ATP5IF1: variants seen among roughly 807,000 people sequenced by gnomAD.
The protein encoded by ATP5IF1 is ATP synthase inhibitory factor subunit 1, also known as ATPase inhibitor, mitochondrial.
Under a neutral mutation model 8.5 loss-of-function variants are expected in ATP5IF1, and 12 were observed. That is an observed-to-expected ratio of 1.41 (90% CI 0.90 to 2.28). ATP5IF1 has a LOEUF of 2.28. Ranked by LOEUF, ATP5IF1 falls within the 30% of genes most tolerant of loss-of-function variation. The pLI, the probability that ATP5IF1 is intolerant of heterozygous loss-of-function variation, is 0.00. For missense variants in ATP5IF1, 154 were observed against 140.2 expected (o/e 1.10, Z -0.50); for synonymous variants, 51 against 53.4 (o/e 0.96, Z 0.19).
In ATP5IF1 at chr1:28,236,555, C is replaced by A. The variant is rs768011795; in HGVS notation, c.179+103C>A. 8.0e-5 allele frequency: 125 copies of A among 1,564,950 alleles called. No individual in the cohort carries two copies. In the African/African-American group the frequency reaches 1.5e-3, roughly 19 times the overall value. ...CCGTTCCTACCTGGTGCCTTGGGCG[C>A]CCCATCCCCCAACAGAACTCCCGGG... is the stretch of plus-strand genomic sequence containing the variant. On this transcript the variant is annotated intron_variant, in intron 2 of 2. Transcript: ENST00000335514.
rs562978974 is a variant in ATP5IF1 at position 28,236,549 on chromosome 1, T to C, written c.179+97T>C. 106 of 1,574,000 alleles carry C rather than the reference T, an allele frequency of 6.7e-5. No homozygotes were observed. In the African/African-American group the frequency reaches 1.4e-3, roughly 21 times the overall value. On this transcript the variant is annotated intron_variant, in intron 2 of 2. Transcript: ENST00000335514. ...CCCCACCCGTTCCTACCTGGTGCCTTGGGCGCCCCATCCCCCAACAGAACT... is the reference window on the plus strand; with the variant it reads ...CCCCACCCGTTCCTACCTGGTGCCTCGGGCGCCCCATCCCCCAACAGAACT...
chr1:28,236,957 G>A (rs1647042864), intron 2 of ATP5IF1: 2 of 1,059,386 alleles, frequency 1.9e-6, no homozygotes, highest in African/African-American at 1.7e-5. Flanking sequence ...CTCCGCAAGA[G>A]TGAGGATGAT....
In ATP5IF1 at chr1:28,236,312, A is replaced by T. The variant is rs762652663; in HGVS notation, c.87+42A>T. 2.5e-6 allele frequency: 4 copies of T among 1,613,992 alleles called. No individual in the cohort carries two copies. In the African/African-American group the frequency reaches 5.3e-5, roughly 22 times the overall value. ...TCCGCTGCTCCAGCCCCGCGGGCGG[A>T]TCCCATCTTTGCTTCCGTACCTTTA... On this transcript the variant is annotated intron_variant, in intron 1 of 2. Coordinates refer to ENST00000335514, the MANE Select transcript of ATP5IF1 (RefSeq NM_016311.5).
Position 28,237,841 on chromosome 1 carries a change from C to G in ATP5IF1, c.184C>G (p.Gln62Glu), listed in dbSNP as rs1187565222. ...TGAGCCACCGTGTCCTTGTAGAGCA[C>G]AGAGTAGAGAACAACTGGCAGCTTT... ...QAEEERYFRA[Q>E]SREQLAALKK... Residue 62 changes from glutamine (Q) to glutamate (E), a missense_variant, in exon 3 of 3, where the codon CAG (glutamine) becomes GAG (glutamate). Coordinates refer to ENST00000335514, the MANE Select transcript of ATP5IF1 (RefSeq NM_016311.5). 1 of 1,614,100 alleles carries G rather than the reference C, an allele frequency of 6.2e-7. No homozygotes were observed. Among genetic ancestry groups the G allele is most frequent in the South Asian group, 1.1e-5 (1 of 91,084 alleles).
rs750605070 is a variant in ATP5IF1, at chr1:28,236,424, G to A, written c.151G>A (p.Glu51Lys). ...REAGGAFGKR[E>K]QAEEERYFRA... The stretch of plus-strand genomic sequence containing the variant: ...AGCCGGTGGGGCCTTCGGAAAGAGA[G>A]AGCAGGCTGAAGAGGAACGATATTT... The change falls in exon 2 of 3, where the codon GAG (glutamate) becomes AAG (lysine). Residue 51 changes from glutamate to lysine, a missense_variant. Physicochemically the swap from Glu to Lys is moderately conservative, Grantham distance 56. Coordinates refer to ENST00000335514, the MANE Select transcript of ATP5IF1 (RefSeq NM_016311.5). The A allele has an allele frequency of 4.3e-6, 7 of 1,614,214 alleles. No individual in the cohort carries two copies. Among genetic ancestry groups the A allele is most frequent in the East Asian group, 2.2e-5 (1 of 44,876 alleles).
intron 2 of ATP5IF1, chr1:28,237,357 T>G (rs1047590968): frequency 2.9e-6 from 3 of 1,019,108 alleles, no homozygotes; most frequent in African/African-American, 3.5e-5. Context: ...TCTTGGAACC[T>G]AAATTGAACT....
chr1:28,237,282 A>G (rs1457844285), intron 2 of ATP5IF1: 9 of 998,600 alleles, frequency 9.0e-6, no homozygotes, highest in East Asian at 1.1e-4. Flanking sequence ...TTGAGCCCCT[A>G]CATTTTGTAG....
chr1:28,236,333 C>CT (rs1557719086), intron 1 of ATP5IF1, 28 bp from the exon 2 acceptor site: 3 of 1,614,214 alleles, frequency 1.9e-6, no homozygotes. Context: ...GCTTCCGTAC[C>CT]TTTACCAGTG....
chr1:28,236,303 C>A, intron 1 of ATP5IF1, 33 bp downstream of exon 1: 2 of 1,614,188 alleles, frequency 1.2e-6, no homozygotes, highest in Non-Finnish European at 1.7e-6. Flanking sequence ...GCTCCAGCCC[C>A]GCGGGCGGAT....
At position 28,237,860 on chromosome 1, in the gene ATP5IF1, C is replaced by T; in HGVS notation, c.203C>T (p.Ala68Val). The T allele has an allele frequency of 6.2e-7, 1 of 1,614,104 alleles. No individual in the cohort carries two copies. The highest frequency in any genetic ancestry group is 8.5e-7 in the Non-Finnish European group (1 of 1,180,014). ...YFRAQSREQL[A>V]ALKKHHEEEI... ...AGAGCACAGAGTAGAGAACAACTGG[C>T]AGCTTTGAAAAAACACCATGAAGAA... The change falls in exon 3 of 3, where the codon GCA becomes GTA. Residue 68 changes from alanine (A) to valine (V), a missense_variant. Ala to Val is a moderately conservative substitution (Grantham distance 64). Coordinates refer to ENST00000335514, the MANE Select transcript of ATP5IF1 (RefSeq NM_016311.5).
rs1647055176 is a variant in ATP5IF1 at position 28,238,091 on chromosome 1, C to T, written c.*113C>T. Reference sequence around the variant, plus strand: ...CTACTAACAGATTATAATAAATTGTCATCAGTGAACTGTGTTTGATGCCTT... The same window carrying T: ...CTACTAACAGATTATAATAAATTGTTATCAGTGAACTGTGTTTGATGCCTT... On this transcript the variant is annotated 3_prime_UTR_variant, in exon 3 of 3. Transcript: ENST00000335514. The T allele has an allele frequency of 1.8e-6, 2 of 1,109,208 alleles. No individual in the cohort carries two copies. The highest frequency in any genetic ancestry group is 5.0e-5 in the East Asian group (2 of 40,014). The allele number at this position is 1,109,208 out of a possible 1,614,324, so 68.7% of individuals were successfully genotyped here. A position where few individuals can be genotyped will look rare whatever the true frequency, so the allele number is the denominator to read the frequency against.
In ATP5IF1 at chr1:28,236,317, A is replaced by G. The variant is rs568621904; in HGVS notation, c.88-44A>G. ...TGCTCCAGCCCCGCGGGCGGATCCC[A>G]TCTTTGCTTCCGTACCTTTACCAGT... On this transcript the variant is annotated intron_variant, in intron 1 of 2. Transcript: ENST00000335514. 32 of 1,614,170 alleles carry G rather than the reference A, an allele frequency of 2.0e-5. No individual in the cohort carries two copies. In the African/African-American group the frequency reaches 2.3e-4, roughly 11 times the overall value.
chr1:28,236,152 G>A lies in ATP5IF1; in HGVS notation c.-32G>A, dbSNP rs888812490. 5 of 1,608,614 alleles carry A rather than the reference G, an allele frequency of 3.1e-6. No individual in the cohort carries two copies. The highest frequency in any genetic ancestry group is 2.5e-6 in the Non-Finnish European group (3 of 1,179,624). On this transcript the variant is annotated 5_prime_UTR_variant, in exon 1 of 3. Transcript: ENST00000335514. ...GCGTAACGAGAGACTGCTTGCTGCG[G>A]CAGAGACGCCAGAGGTGCAGCTCCA...
chr1:28,236,302 C>T (rs776494647), intron 1 of ATP5IF1, 32 bp downstream of exon 1: 6 of 1,614,206 alleles, frequency 3.7e-6, no homozygotes, highest in East Asian at 2.2e-5. Context: ...TGCTCCAGCC[C>T]CGCGGGCGGA....
intron 2 of ATP5IF1, 195 bp from the exon 3 acceptor site, chr1:28,237,642 T>C (rs1647050139): frequency 6.6e-7 from 1 of 1,503,930 alleles, no homozygotes; most frequent in Non-Finnish European, 8.8e-7. Flanking sequence ...ATAAGCTCTT[T>C]GGTCTTCTTA....
chr1:28,236,174 TC>T lies in ATP5IF1; in HGVS notation c.-8del. 1 of 1,612,412 alleles carries T rather than the reference TC, an allele frequency of 6.2e-7. No homozygotes were observed. The highest frequency in any genetic ancestry group is 8.5e-7 in the Non-Finnish European group (1 of 1,179,930). On this transcript the variant is annotated 5_prime_UTR_variant, in exon 1 of 3. Transcript: ENST00000335514. Reference sequence around the variant, plus strand: ...GCGGCAGAGACGCCAGAGGTGCAGCTCCAGCAGCAATGGCAGTGACGGCGTT... The same window carrying T: ...GCGGCAGAGACGCCAGAGGTGCAGCTCAGCAGCAATGGCAGTGACGGCGTT...
At position 28,236,373 on chromosome 1, in the gene ATP5IF1, G is replaced by C. The variant is rs1308651200; in HGVS notation, c.100G>C (p.Asp34His). ...GFGSDQSENV[D>H]RGAGSIREAG... ...TGTCTCTCTGCAGTCCGAGAATGTC[G>C]ACCGGGGCGCGGGCTCCATCCGGGA... The change falls in exon 2 of 3, where the codon GAC becomes CAC. Residue 34 changes from aspartate (D) to histidine (H), a missense_variant. Asp to His is a moderately conservative substitution (Grantham distance 81). Coordinates refer to ENST00000335514, the MANE Select transcript of ATP5IF1 (RefSeq NM_016311.5). 5 of 1,614,078 alleles carry C rather than the reference G, an allele frequency of 3.1e-6. No individual in the cohort carries two copies. The South Asian group carries it at 3.3e-5, about 11-fold the overall frequency.
At chr1:28,236,300 C>T in intron 1 of ATP5IF1, 30 bp downstream of exon 1, 1 of 1,614,180 alleles carries the variant, frequency 6.2e-7, no homozygotes, top group Non-Finnish European at 8.5e-7. Flanking sequence ...GCTGCTCCAG[C>T]CCCGCGGGCG....
chr1:28,237,644 GTCT>G (rs1245212061), intron 2 of ATP5IF1, 190 bp from the exon 3 acceptor site: 11 of 1,506,454 alleles, frequency 7.3e-6, no homozygotes, highest in African/African-American at 1.4e-5. Context: ...AAGCTCTTTG[GTCT>G]TCTTAAGATG....
Sources: allele counts gnomAD v4.1 joint callset, GRCh38; gene constraint gnomAD v4.1.1; transcripts MANE v1.5; gene names NCBI Gene and HGNC (gene_info 2026-07-23, HGNC 2026-07-21).